RANBP2: variants seen among roughly 807,000 people sequenced by gnomAD.
RANBP2 encodes RAN binding protein 2.
In RANBP2, 57 loss-of-function variants were observed where a neutral mutation model predicts 303.6. The ratio of observed to expected loss-of-function variants is 0.19; its 90% CI spans 0.15 to 0.23. The LOEUF is 0.23. RANBP2 is among the 10% of genes least tolerant of loss of function. RANBP2 has a pLI of 1.00. For synonymous variants in RANBP2, 1,167 were observed against 1,301.5 expected (o/e 0.90, Z 2.23); for missense variants, 3,138 against 3,780.8 (o/e 0.83, Z 4.46).
the RANBP2 span, among the ~76,000 whole-genome samples, chr2:108,845,792 C>T: frequency 7.9e-5 from 12 of 151,964 alleles, no homozygotes; most frequent in Admixed American, 5.2e-4. Context: ...AGGATGGTCT[C>T]GATCTCCTGA....
the RANBP2 span, among the ~76,000 whole-genome samples, chr2:109,713,003 C>T: frequency 3.9e-5 from 6 of 152,154 alleles, no homozygotes; most frequent in African/African-American, 1.2e-4. Context: ...TTCTGTTTGA[C>T]GGAATATGAA....
intron 12 of RANBP2, 127 bp downstream of exon 12, chr2:108,752,121 T>C (rs1369444859): frequency 2.7e-5 from 41 of 1,545,050 alleles, no homozygotes; most frequent in African/African-American, 2.8e-5. Flanking sequence ...ATGTGTTTTT[T>C]ATTGCTGCAA....
At chr2:109,463,362 A>G in the RANBP2 span, among the ~76,000 whole-genome samples, 3 of 152,204 alleles carry the variant, frequency 2.0e-5, no homozygotes, top group Admixed American at 6.5e-5. Context: ...ATGTGCCACC[A>G]TGTGGGCCCT....
chr2:109,170,277 C>T, the RANBP2 span, among the ~76,000 whole-genome samples: 1 of 126,490 alleles, frequency 7.9e-6, no homozygotes, highest in African/African-American at 2.9e-5. Context: ...CTCTTCTCTT[C>T]TCTTCTCTTC....
chr2:109,728,590 G>A, the RANBP2 span, among the ~76,000 whole-genome samples: 8 of 150,948 alleles, frequency 5.3e-5, no homozygotes, highest in African/African-American at 1.9e-4. Context: ...CGAGTAGCAG[G>A]GATTACAGGT....
chr2:108,735,508 T>C (rs760926065), intron 4 of RANBP2, 24 bp from the exon 5 acceptor site: 49 of 1,597,362 alleles, frequency 3.1e-5, no homozygotes, highest in Admixed American at 2.3e-4. Flanking sequence ...ACTCTAATAA[T>C]TTTTCTTTTT....
the RANBP2 span, among the ~76,000 whole-genome samples, chr2:108,908,445 C>T: frequency 3.3e-5 from 5 of 152,182 alleles, no homozygotes; most frequent in Admixed American, 1.3e-4. Flanking sequence ...ATGCAGCTGG[C>T]GCTGAATCCA....
chr2:109,342,996 A>G, the RANBP2 span, among the ~76,000 whole-genome samples: 55 of 151,990 alleles, frequency 3.6e-4, 1 homozygote, highest in African/African-American at 1.3e-3. Flanking sequence ...GCTTAGTGAC[A>G]ATGTTTGAAT....
At chr2:108,746,951 T>A (rs1318001504) in intron 8 of RANBP2, among the ~76,000 whole-genome samples, 153 bp downstream of exon 8, 1 of 152,240 alleles carries the variant, frequency 6.6e-6, no homozygotes, top group Non-Finnish European at 1.5e-5. Flanking sequence ...ATGGAAGAGA[T>A]GTGAAAAATA....
the RANBP2 span, among the ~76,000 whole-genome samples, chr2:109,177,803 C>A: frequency 6.6e-6 from 1 of 152,226 alleles, no homozygotes; most frequent in African/African-American, 2.4e-5. Context: ...GCCTATTAGA[C>A]AAGGCAATTT....
At chr2:109,168,621 A>C in the RANBP2 span, among the ~76,000 whole-genome samples, 3 of 152,282 alleles carry the variant, frequency 2.0e-5, no homozygotes, top group South Asian at 6.2e-4. Flanking sequence ...GGTGGTAAGA[A>C]TCTTACAAAT....
chr2:109,564,078 C>T, the RANBP2 span: 1 of 316,660 alleles, frequency 3.2e-6, no homozygotes, highest in African/African-American at 2.1e-5. Flanking sequence ...AGGGTATTTT[C>T]CTTCAGTTAC....
chr2:109,023,890 A>G, the RANBP2 span, among the ~76,000 whole-genome samples: 6 of 152,106 alleles, frequency 3.9e-5, no homozygotes, highest in Non-Finnish European at 8.8e-5. Flanking sequence ...AAGGTAATGT[A>G]CCTGCATTTT....
chr2:109,240,783 G>A, the RANBP2 span, among the ~76,000 whole-genome samples: 7 of 151,774 alleles, frequency 4.6e-5, no homozygotes, highest in Non-Finnish European at 1.0e-4. Flanking sequence ...CTCCTCTCTA[G>A]ACCCTGAGGG....
At chr2:109,599,431 C>T in the RANBP2 span, among the ~76,000 whole-genome samples, 1 of 142,584 alleles carries the variant, frequency 7.0e-6, no homozygotes, top group African/African-American at 2.6e-5. Flanking sequence ...GCACTCCAGC[C>T]TGGGCAAAAG....
At chr2:109,570,123 G>A in the RANBP2 span, among the ~76,000 whole-genome samples, 1 of 152,124 alleles carries the variant, frequency 6.6e-6, no homozygotes, top group African/African-American at 2.4e-5. Context: ...AAAGCTTAGG[G>A]GTTAACTTCC....
the RANBP2 span, among the ~76,000 whole-genome samples, chr2:109,254,722 T>C: frequency 6.6e-6 from 1 of 152,128 alleles, no homozygotes; most frequent in South Asian, 2.1e-4. Context: ...TGCCAGCCGC[T>C]CCCATGAGAG....
the RANBP2 span, among the ~76,000 whole-genome samples, chr2:109,075,144 A>G: frequency 6.7e-6 from 1 of 150,340 alleles, no homozygotes. Context: ...TTAGCAGAAG[A>G]AAAGAAATTA....
chr2:109,263,302 G>A, the RANBP2 span, among the ~76,000 whole-genome samples: 108,510 of 152,154 alleles, frequency 0.71, 38,852 homozygotes, highest in East Asian at 0.9. Context: ...AAAAGCTTTC[G>A]TTGCTATTTT....
Sources: gnomAD v4.1 joint callset for allele counts (sites outside exome capture counted in the v4.1 genomes callset) on GRCh38, gnomAD v4.1.1 for gene constraint, MANE v1.5 for transcripts, NCBI Gene and HGNC (gene_info 2026-07-23, HGNC 2026-07-21) for gene names.